The following MAGI2 variants were observed in gnomAD, a reference collection of about 807,000 sequenced individuals.
MAGI2 encodes the protein membrane-associated guanylate kinase, WW and PDZ domain-containing protein 2.
A neutral mutation model predicts 133.3 loss-of-function variants in MAGI2; 35 were observed. That is an observed-to-expected ratio of 0.26 (90% confidence interval 0.20 to 0.35). The LOEUF (loss-of-function observed/expected upper bound fraction) is 0.35. Ranked by LOEUF, MAGI2 falls within the 10% of genes least tolerant of loss-of-function variation. The pLI is 1.00. For missense variants in MAGI2, 1,636 were observed against 1,863.4 expected, an observed-to-expected ratio of 0.88 and a Z score of 2.25; for synonymous variants, 729 against 710.6, an observed-to-expected ratio of 1.03 and a Z score of -0.41.
chr7:79,338,822 GAGA>G (rs1221324365), intron 1 of MAGI2, among the ~76,000 whole-genome samples: 4 of 152,088 alleles, frequency 2.6e-5, no homozygotes, highest in East Asian at 1.9e-4. Context: ...CACCTTGAGA[GAGA>G]AGACTTCCCT....
intron 21 of MAGI2, among the ~76,000 whole-genome samples, chr7:78,030,370 C>T (rs368929401): frequency 6.6e-6 from 1 of 152,158 alleles, no homozygotes; most frequent in Non-Finnish European, 1.5e-5. Flanking sequence ...GATTCTCCTG[C>T]CTCAGCCTCC....
At chr7:78,242,067 C>T (rs1308876114) in intron 10 of MAGI2, among the ~76,000 whole-genome samples, 1 of 147,732 alleles carries the variant, frequency 6.8e-6, no homozygotes, top group Non-Finnish European at 1.5e-5. Context: ...ACATGTTTGA[C>T]CACAAACCAT....
At chr7:78,459,491 T>G (rs569305444) in intron 6 of MAGI2, among the ~76,000 whole-genome samples, 18 of 152,332 alleles carry the variant, frequency 1.2e-4, no homozygotes, top group African/African-American at 4.1e-4. Flanking sequence ...AAAGGTATTT[T>G]CAATTACTTC....
intron 1 of MAGI2, among the ~76,000 whole-genome samples, chr7:79,219,761 T>G (rs1344439047): frequency 6.6e-6 from 1 of 152,068 alleles, no homozygotes; most frequent in East Asian, 1.9e-4. Flanking sequence ...TTTTTCCCTG[T>G]GCTCAGTATT....
intron 2 of MAGI2, among the ~76,000 whole-genome samples, chr7:78,729,353 T>C (rs1312508760): frequency 6.6e-6 from 1 of 152,150 alleles, no homozygotes; most frequent in African/African-American, 2.4e-5. Context: ...TTAGGTGGGA[T>C]CAAAGACAAA....
chr7:78,666,799 G>A (rs774489767), intron 2 of MAGI2, among the ~76,000 whole-genome samples: 80 of 152,278 alleles, frequency 5.3e-4, no homozygotes, highest in Non-Finnish European at 9.7e-4. Context: ...CAAAGGTAGC[G>A]AATGCTTTGC....
At chr7:78,941,576 T>C (rs1010416974) in intron 2 of MAGI2, among the ~76,000 whole-genome samples, 5 of 152,052 alleles carry the variant, frequency 3.3e-5, no homozygotes, top group African/African-American at 4.8e-5. Flanking sequence ...CCTCAAGCCA[T>C]CCACCTGCCT....
intron 12 of MAGI2, among the ~76,000 whole-genome samples, chr7:78,186,983 G>T (rs1238896548): frequency 6.6e-6 from 1 of 152,116 alleles, no homozygotes; most frequent in Non-Finnish European, 1.5e-5. Context: ...CTCTGGTCAA[G>T]AAATACTCAA....
intron 9 of MAGI2, among the ~76,000 whole-genome samples, chr7:78,339,534 T>A (rs1464612986): frequency 1.3e-5 from 2 of 152,368 alleles, no homozygotes; most frequent in Admixed American, 6.5e-5. Context: ...GAAAAATAAC[T>A]ACATTTTTTA....
At chr7:79,236,072 A>G (rs1831899224) in intron 1 of MAGI2, among the ~76,000 whole-genome samples, 1 of 152,228 alleles carries the variant, frequency 6.6e-6, no homozygotes, top group South Asian at 2.1e-4. Context: ...TGTATTAGAA[A>G]AAGACTAGCT....
intron 20 of MAGI2, among the ~76,000 whole-genome samples, chr7:78,105,392 G>A (rs1302963674): frequency 6.6e-6 from 1 of 152,156 alleles, no homozygotes; most frequent in East Asian, 1.9e-4. Context: ...GATAGGTCCT[G>A]GGGTCTGAGC....
chr7:78,308,907 T>C (rs1364836595), intron 9 of MAGI2, among the ~76,000 whole-genome samples: 2 of 152,222 alleles, frequency 1.3e-5, no homozygotes, highest in African/African-American at 2.4e-5. Context: ...TCATTAACAG[T>C]ACACTACGTG....
chr7:78,557,057 C>T (rs1278240112), intron 3 of MAGI2, among the ~76,000 whole-genome samples: 1 of 122,576 alleles, frequency 8.2e-6, no homozygotes, highest in Non-Finnish European at 1.6e-5. Flanking sequence ...TGCCACTATA[C>T]TCCAGCCTGG....
chr7:78,579,566 C>T (rs1441942269), intron 3 of MAGI2, among the ~76,000 whole-genome samples: 3 of 152,280 alleles, frequency 2.0e-5, no homozygotes, highest in African/African-American at 4.8e-5. Flanking sequence ...GAGGAATCTG[C>T]GTTAACAAGC....
intron 2 of MAGI2, among the ~76,000 whole-genome samples, chr7:78,764,426 T>C (rs1416623489): frequency 1.3e-5 from 2 of 152,224 alleles, no homozygotes; most frequent in Non-Finnish European, 2.9e-5. Flanking sequence ...ATGATTTAAA[T>C]GAATAAAATC....
intron 20 of MAGI2, among the ~76,000 whole-genome samples, chr7:78,082,243 T>C (rs965632743): frequency 2.6e-5 from 4 of 152,198 alleles, no homozygotes; most frequent in Admixed American, 1.3e-4. Flanking sequence ...GTGTGTTTAT[T>C]TTCCCTTTTC....
chr7:78,029,303 A>T (rs191397181), intron 21 of MAGI2, among the ~76,000 whole-genome samples: 37 of 152,312 alleles, frequency 2.4e-4, no homozygotes, highest in African/African-American at 7.7e-4. Context: ...CCTAAGGATG[A>T]GTTTGAATGA....
chr7:78,192,607 C>A (rs1407318620), intron 12 of MAGI2, among the ~76,000 whole-genome samples: 1 of 151,346 alleles, frequency 6.6e-6, no homozygotes, highest in Non-Finnish European at 1.5e-5. Flanking sequence ...GAAAGTGGCG[C>A]CATGCTCTCC....
intron 1 of MAGI2, among the ~76,000 whole-genome samples, chr7:79,437,313 C>A (rs1848211635): frequency 6.6e-6 from 1 of 151,950 alleles, no homozygotes; most frequent in South Asian, 2.1e-4. Flanking sequence ...ATCCTTGTAA[C>A]AAACCTGTAG....
Sources: gnomAD v4.1 joint callset for allele counts (sites outside exome capture counted in the v4.1 genomes callset) on GRCh38, gnomAD v4.1.1 for gene constraint, MANE v1.5 for transcripts, NCBI Gene and HGNC (gene_info 2026-07-23, HGNC 2026-07-21) for gene names.